MACROD2: variants seen among roughly 807,000 people sequenced by gnomAD.
MACROD2 encodes the protein mono-ADP ribosylhydrolase 2, also known as ADP-ribose glycohydrolase MACROD2.
A neutral mutation model predicts 70.4 loss-of-function variants in MACROD2; 36 were observed. The observed-to-expected ratio is 0.51, with a 90% CI of 0.39 to 0.68. The LOEUF is 0.68. MACROD2 is among the 30% of genes least tolerant of loss of function. The pLI is 0.00. For missense variants in MACROD2, 496 were observed against 538.4 expected (o/e 0.92, Z 0.78); for synonymous variants, 172 against 178.8 (o/e 0.96, Z 0.30).
chr20:14,062,756 G>A (rs2053705252), intron 2 of MACROD2, among the ~76,000 whole-genome samples: 1 of 152,198 alleles, frequency 6.6e-6, no homozygotes, highest in Non-Finnish European at 1.5e-5. Flanking sequence ...GTGACTTAGA[G>A]TTTAAAGTTA....
intron 10 of MACROD2, among the ~76,000 whole-genome samples, chr20:15,922,280 T>C (rs1471564958): frequency 6.6e-6 from 1 of 152,238 alleles, no homozygotes; most frequent in Non-Finnish European, 1.5e-5. Flanking sequence ...GAGTTACAAA[T>C]GCATATGTTG....
intron 1 of MACROD2, among the ~76,000 whole-genome samples, chr20:13,996,071 T>G (rs1277913739): frequency 6.6e-6 from 1 of 152,130 alleles, no homozygotes; most frequent in Non-Finnish European, 1.5e-5. Flanking sequence ...CCCGTCACCT[T>G]CTCCCGAGGC....
At chr20:15,630,525 T>G (rs1360575508) in intron 8 of MACROD2, among the ~76,000 whole-genome samples, 1 of 152,222 alleles carries the variant, frequency 6.6e-6, no homozygotes, top group African/African-American at 2.4e-5. Context: ...ATGTCTCTAA[T>G]ATGTCTTTGT....
At chr20:15,235,863 C>A (rs531080079) in intron 6 of MACROD2, among the ~76,000 whole-genome samples, 1 of 152,308 alleles carries the variant, frequency 6.6e-6, no homozygotes, top group South Asian at 2.1e-4. Flanking sequence ...TCTCCAAGAA[C>A]CCTCTTCTAC....
intron 5 of MACROD2, among the ~76,000 whole-genome samples, chr20:14,914,025 G>T (rs1182135728): frequency 1.3e-5 from 2 of 152,140 alleles, no homozygotes; most frequent in African/African-American, 4.8e-5. Flanking sequence ...TAAGCAATTT[G>T]CAGCCTTCCT....
chr20:15,070,169 C>T (rs1219255352), intron 5 of MACROD2, among the ~76,000 whole-genome samples: 1 of 152,168 alleles, frequency 6.6e-6, no homozygotes, highest in East Asian at 1.9e-4. Context: ...TTAGTGTCTG[C>T]CCTGCTGTTG....
chr20:15,294,055 A>T (rs562880418), intron 6 of MACROD2, among the ~76,000 whole-genome samples: 2 of 145,636 alleles, frequency 1.4e-5, no homozygotes, highest in East Asian at 4.2e-4. Context: ...CAGGAGGTGG[A>T]GGTTGCAGTG....
At chr20:14,677,182 C>A (rs1045973393) in intron 4 of MACROD2, among the ~76,000 whole-genome samples, 2 of 151,686 alleles carry the variant, frequency 1.3e-5, no homozygotes, top group African/African-American at 4.8e-5. Flanking sequence ...CTCTCTGGGG[C>A]AAAATAATCT....
chr20:14,240,841 A>T (rs1054891850), intron 3 of MACROD2, among the ~76,000 whole-genome samples: 2 of 152,156 alleles, frequency 1.3e-5, no homozygotes, highest in Non-Finnish European at 2.9e-5. Context: ...ACCTAAAATA[A>T]AAGTTTTGGC....
At chr20:15,499,639 A>T in intron 7 of MACROD2, 135 bp from the exon 8 acceptor site, 1 of 709,304 alleles carries the variant, frequency 1.4e-6, no homozygotes. Flanking sequence ...ATCCATGTAC[A>T]TCTTACTGAG....
At chr20:15,240,490 G>T (rs1046612192) in intron 6 of MACROD2, among the ~76,000 whole-genome samples, 2 of 152,102 alleles carry the variant, frequency 1.3e-5, no homozygotes, top group African/African-American at 4.8e-5. Flanking sequence ...GATCATTTGA[G>T]CCCACGAGTT....
In MACROD2 at chr20:15,357,798, C is replaced by CT. The variant is rs200860242; in HGVS notation, c.541-73582dup. On this transcript the variant is annotated intron_variant, in intron 6 of 17. Coordinates refer to ENST00000684519, the MANE Select transcript of MACROD2 (RefSeq NM_001351661.2). Reference sequence around the variant, plus strand: ...ACCACATTCTTACTGTTCATTCATTCTTTTTTTTTTTTTTTTTTTTTTTTT... The same window carrying CT: ...ACCACATTCTTACTGTTCATTCATTCTTTTTTTTTTTTTTTTTTTTTTTTTT... Among the ~76,000 whole-genome samples, 710 of 135,514 alleles carry CT rather than the reference C, an allele frequency of 5.2e-3. 8 individuals carry two copies. Among genetic ancestry groups the CT allele is most frequent in the Non-Finnish European group, 7.2e-3 (449 of 62,332 alleles). The allele number at this position is 135,514 out of a possible 152,430, so 88.9% of individuals were successfully genotyped here.
intron 8 of MACROD2, among the ~76,000 whole-genome samples, chr20:15,810,103 G>A (rs1490420725): frequency 1.3e-5 from 2 of 150,144 alleles, no homozygotes; most frequent in African/African-American, 4.9e-5. Context: ...CTATGAGTGA[G>A]AACATGTGGT....
At chr20:14,586,237 G>C (rs1449952975) in intron 4 of MACROD2, among the ~76,000 whole-genome samples, 1 of 151,684 alleles carries the variant, frequency 6.6e-6, no homozygotes, top group Non-Finnish European at 1.5e-5. Context: ...CTAAGTGGCT[G>C]TGTGTATGTG....
intron 3 of MACROD2, among the ~76,000 whole-genome samples, chr20:14,108,518 G>T (rs954763566): frequency 6.7e-6 from 1 of 148,536 alleles, no homozygotes; most frequent in African/African-American, 2.5e-5. Context: ...TTGCCTACAA[G>T]AAGCACATTT....
intron 8 of MACROD2, among the ~76,000 whole-genome samples, chr20:15,812,905 G>T (rs1394589269): frequency 6.6e-6 from 1 of 152,144 alleles, no homozygotes; most frequent in Non-Finnish European, 1.5e-5. Flanking sequence ...TTATGACAGA[G>T]AAATGTGAAT....
intron 2 of MACROD2, among the ~76,000 whole-genome samples, chr20:14,056,887 G>A (rs961244684): frequency 6.6e-6 from 1 of 150,802 alleles, no homozygotes; most frequent in African/African-American, 2.4e-5. Flanking sequence ...TTAAAGTTTT[G>A]TATTACTGTT....
intron 17 of MACROD2, among the ~76,000 whole-genome samples, chr20:16,045,256 C>T (rs1176576751): frequency 2.6e-5 from 4 of 152,156 alleles, no homozygotes; most frequent in African/African-American, 4.8e-5. Context: ...AATAAAAAGC[C>T]TGGTCCAGAT....
chr20:15,859,904 G>A (rs1322732238), intron 8 of MACROD2, among the ~76,000 whole-genome samples: 1 of 152,090 alleles, frequency 6.6e-6, no homozygotes, highest in African/African-American at 2.4e-5. Flanking sequence ...GCATGGCTGA[G>A]GCAGGCAGAT....
Sources: allele counts gnomAD v4.1 joint callset (sites outside exome capture counted in the v4.1 genomes callset), GRCh38; gene constraint gnomAD v4.1.1; transcripts MANE v1.5; gene names NCBI Gene and HGNC (gene_info 2026-07-23, HGNC 2026-07-21).